Variants in DPH6 observed in about 807,000 individuals in gnomAD.
DPH6 encodes the protein diphthamine biosynthesis 6, also known as diphthine--ammonia ligase.
In DPH6, 33 loss-of-function variants were observed where a neutral mutation model predicts 38.2. The observed-to-expected ratio is 0.86, with a 90% CI of 0.65 to 1.15. DPH6 has a LOEUF of 1.15. Among genes scored for constraint, DPH6 ranks in the 50% most tolerant of loss-of-function variants. DPH6 has a pLI of 0.00. For synonymous variants in DPH6, 108 were observed against 103.0 expected (o/e 1.05, Z -0.30); for missense variants, 325 against 320.0 (o/e 1.02, Z -0.12).
At position 35,333,816 on chromosome 15, in the gene DPH6, C is replaced by T. The variant is rs553462137; in HGVS notation, n.208-2739G>A. Among the ~76,000 whole-genome samples, 6 of 152,238 alleles carry T rather than the reference C, an allele frequency of 3.9e-5. No homozygotes were observed. The East Asian group carries it at 5.8e-4, about 15-fold the overall frequency. On this transcript the variant is annotated intron_variant and non_coding_transcript_variant, in intron 3 of 3. Transcript: ENST00000558973. ...TATAAATTATTCTATTATAAAGATA[C>T]ATGCACCCATAGGTTCACTGCAGCA... is the stretch of plus-strand genomic sequence containing the variant.
chr15:35,371,997 A>G lies in DPH6; in HGVS notation c.*153T>C, dbSNP rs1022330802. 4 of 1,346,202 alleles carry G rather than the reference A, an allele frequency of 3.0e-6. No individual in the cohort carries two copies. The highest frequency in any genetic ancestry group is 3.8e-6 in the Non-Finnish European group (4 of 1,047,790). 83.4% of individuals were successfully genotyped at this position (1,346,202 alleles called of 1,614,324 possible). ...CCGTCGACATTTTCCCAATTAATAA[A>G]TGGTTCCACTAACCTCTTCTAGTGA... is the stretch of plus-strand genomic sequence containing the variant. On this transcript the variant is annotated 3_prime_UTR_variant, in exon 9 of 9. Transcript: ENST00000256538.
intron 3 of DPH6, among the ~76,000 whole-genome samples, chr15:35,233,134 C>T (rs2051529564): frequency 6.6e-6 from 1 of 151,974 alleles, no homozygotes; most frequent in East Asian, 1.9e-4. Context: ...GTGGTGAAAC[C>T]CCGTCTCTAC....
chr15:35,194,701 G>T, the DPH6 span, among the ~76,000 whole-genome samples: 2 of 152,166 alleles, frequency 1.3e-5, no homozygotes, highest in South Asian at 4.1e-4. Context: ...GTAATGGCTA[G>T]TACTAACTAC....
chr15:35,168,307 T>TTA, the DPH6 span, among the ~76,000 whole-genome samples: 7 of 152,062 alleles, frequency 4.6e-5, no homozygotes, highest in African/African-American at 1.2e-4. Flanking sequence ...CTAAATGTAT[T>TTA]GCCTTGAAAA....
intron 1 of DPH6, 90 bp downstream of exon 1, chr15:35,546,029 C>G (rs2055347179): frequency 8.5e-7 from 1 of 1,180,502 alleles, no homozygotes; most frequent in East Asian, 3.2e-5. Flanking sequence ...GCGACTCAGA[C>G]GGAGACACCC....
intron 3 of DPH6, among the ~76,000 whole-genome samples, chr15:35,511,003 G>C (rs1265013630): frequency 2.0e-5 from 3 of 152,060 alleles, no homozygotes; most frequent in African/African-American, 7.2e-5. Context: ...ATACTCTTTT[G>C]CAAGAAACCA....
In DPH6 at chr15:35,410,832, T is replaced by G; in HGVS notation, c.567+3A>C. On this transcript the variant is annotated splice_donor_region_variant and intron_variant, in intron 6 of 8. Transcript: ENST00000256538. The stretch of plus-strand genomic sequence containing the variant: ...CATTTTGAGATCTAGTATAAATTCT[T>G]ACCTCTATGAGATAAGGCTCCATTT... 1 of 1,596,500 alleles carries G rather than the reference T, an allele frequency of 6.3e-7. No individual in the cohort carries two copies. The highest frequency in any genetic ancestry group is 2.3e-5 in the East Asian group (1 of 43,974).
At chr15:35,151,949 T>C in the DPH6 span, among the ~76,000 whole-genome samples, 4 of 152,318 alleles carry the variant, frequency 2.6e-5, no homozygotes, top group Middle Eastern at 3.4e-3. Context: ...ATTTATTCCT[T>C]GATTTAACTC....
the DPH6 span, among the ~76,000 whole-genome samples, chr15:35,177,600 A>AAATC: frequency 6.5e-4 from 87 of 134,456 alleles, 1 homozygote; most frequent in Non-Finnish European, 6.7e-4. Flanking sequence ...AAAAAAAAAA[A>AAATC]ATCATCATCA....
chr15:35,315,489 A>T (rs369733699), intron 3 of DPH6, among the ~76,000 whole-genome samples: 1 of 152,350 alleles, frequency 6.6e-6, no homozygotes, highest in East Asian at 1.9e-4. Flanking sequence ...CAACAGTGAC[A>T]TATTATCTCT....
intron 5 of DPH6, among the ~76,000 whole-genome samples, chr15:35,436,495 A>AAACAAAC (rs200134718): frequency 0.059 from 2,218 of 37,870 alleles, 179 homozygotes; most frequent in African/African-American, 0.13. Context: ...AAAACAAAAC[A>AAACAAAC]AAACAAAACA....
chr15:35,253,093 A>C (rs1407576891), intron 3 of DPH6, among the ~76,000 whole-genome samples: 2 of 152,222 alleles, frequency 1.3e-5, no homozygotes, highest in Non-Finnish European at 2.9e-5. Flanking sequence ...TAATCTCTGA[A>C]GTACCATCTA....
chr15:35,540,357 G>A (rs2055234592), intron 2 of DPH6, among the ~76,000 whole-genome samples: 1 of 152,006 alleles, frequency 6.6e-6, no homozygotes, highest in Admixed American at 6.6e-5. Context: ...TCATTGATGG[G>A]AATAAATTCC....
rs139916442 is a variant in DPH6, at chr15:35,395,851, A to G, written c.568-13935T>C. 2.6e-5 allele frequency among the ~76,000 whole-genome samples: 4 copies of G among 152,342 alleles called. No homozygotes were observed. The East Asian group carries it at 7.7e-4, about 29-fold the overall frequency. On this transcript the variant is annotated intron_variant, in intron 6 of 8. Transcript: ENST00000256538. The stretch of plus-strand genomic sequence containing the variant: ...TAGTTCTTATAGCAGTTAGCATAGA[A>G]CTGGACACAGAAGTCCTTACACATA...
intron 3 of DPH6, among the ~76,000 whole-genome samples, chr15:35,289,991 A>T (rs918081962): frequency 2.0e-5 from 3 of 152,216 alleles, no homozygotes; most frequent in African/African-American, 7.2e-5. Flanking sequence ...CATACATTAA[A>T]TTGAAATTGT....
intron 3 of DPH6, among the ~76,000 whole-genome samples, chr15:35,457,056 C>T (rs1056087338): frequency 2.0e-5 from 3 of 151,914 alleles, no homozygotes; most frequent in Non-Finnish European, 2.9e-5. Flanking sequence ...AGGGTTCAAG[C>T]GATTCTTCTG....
intron 3 of DPH6, among the ~76,000 whole-genome samples, chr15:35,474,693 A>G (rs1262521590): frequency 6.6e-6 from 1 of 152,180 alleles, no homozygotes; most frequent in Non-Finnish European, 1.5e-5. Context: ...AGAATTTTTA[A>G]AATGTTTATT....
At position 35,470,611 on chromosome 15, in the gene DPH6, T is replaced by TA. The variant is rs568120731; in HGVS notation, c.313-15792dup. On this transcript the variant is annotated intron_variant, in intron 3 of 8. Transcript: ENST00000256538. The stretch of plus-strand genomic sequence containing the variant: ...CTCCTAAGTCAAAAGTAGCGTGACT[T>TA]ACACAGGTTCACAAAACGCGTTGGC... 2.1e-4 allele frequency among the ~76,000 whole-genome samples: 32 copies of TA among 152,024 alleles called. No homozygotes were observed. The South Asian group carries it at 6.4e-3, about 31-fold the overall frequency.
intron 3 of DPH6, among the ~76,000 whole-genome samples, chr15:35,279,841 C>T (rs948663513): frequency 6.6e-6 from 1 of 152,158 alleles, no homozygotes; most frequent in Non-Finnish European, 1.5e-5. Flanking sequence ...TGTTGAAGCC[C>T]TAACCCTCAA....
Sources: gnomAD v4.1 joint callset for allele counts (sites outside exome capture counted in the v4.1 genomes callset) on GRCh38, gnomAD v4.1.1 for gene constraint, MANE v1.5 for transcripts, NCBI Gene and HGNC (gene_info 2026-07-23, HGNC 2026-07-21) for gene names.